The following ROR2 variants were observed in gnomAD, a reference collection of about 807,000 sequenced individuals.
ROR2 encodes ROR family WNT receptor 2, also known as tyrosine-protein kinase transmembrane receptor ROR2.
In ROR2, 33 loss-of-function variants were observed where a neutral mutation model predicts 74.9. That is an observed-to-expected ratio of 0.44 (90% CI 0.33 to 0.59). ROR2 has a LOEUF of 0.59. ROR2 is among the 20% of genes least tolerant of loss of function. The probability of loss-of-function intolerance (pLI) is 0.02; values close to 1 mark genes in which losing one functional copy is unlikely to be tolerated. For synonymous variants in ROR2, 586 were observed against 558.7 expected (o/e 1.05, Z -0.69); for missense variants, 1,216 against 1,313.8 (o/e 0.93, Z 1.15).
At chr9:91,801,707 C>T (rs1212946305) in intron 1 of ROR2, among the ~76,000 whole-genome samples, 1 of 152,232 alleles carries the variant, frequency 6.6e-6, no homozygotes, top group African/African-American at 2.4e-5. Context: ...CCTCCCTACA[C>T]TAGAAACTGC....
chr9:91,777,710 G>A (rs1333807573), intron 1 of ROR2, among the ~76,000 whole-genome samples: 1 of 152,024 alleles, frequency 6.6e-6, no homozygotes, highest in Non-Finnish European at 1.5e-5. Context: ...ACTCTATCCT[G>A]TCTCCTTCAG....
chr9:91,876,203 T>A (rs1309038990), intron 1 of ROR2, among the ~76,000 whole-genome samples: 2 of 152,000 alleles, frequency 1.3e-5, no homozygotes, highest in African/African-American at 4.8e-5. Context: ...TAAAACCCCA[T>A]CTCTACTAAA....
chr9:91,847,184 G>A (rs1050544493), intron 1 of ROR2, among the ~76,000 whole-genome samples: 2 of 152,130 alleles, frequency 1.3e-5, no homozygotes, highest in African/African-American at 4.8e-5. Flanking sequence ...TGAAATGAGA[G>A]CTTTAAGGCA....
At chr9:91,879,530 T>TC (rs1317218738) in intron 1 of ROR2, among the ~76,000 whole-genome samples, 7 of 151,824 alleles carry the variant, frequency 4.6e-5, no homozygotes, top group Admixed American at 3.9e-4. Context: ...GCCACCCATG[T>TC]CCCCCACTGC....
intron 1 of ROR2, among the ~76,000 whole-genome samples, chr9:91,778,383 C>A (rs1209117403): frequency 6.6e-6 from 1 of 152,312 alleles, no homozygotes; most frequent in Admixed American, 6.5e-5. Context: ...CACGGTCGTG[C>A]GCCCTGCAAC....
In ROR2 at chr9:91,803,347, A is replaced by C. The variant is rs567394297; in HGVS notation, c.98-27529T>G. Among the ~76,000 whole-genome samples, 3 of 152,350 alleles carry C rather than the reference A, an allele frequency of 2.0e-5. No individual in the cohort carries two copies. In the South Asian group the frequency reaches 6.2e-4, roughly 32 times the overall value. ...TGAATCACTTCTGTGAAATATCCAG[A>C]GCAATCAAATCCACAGAAACAGAAA... On this transcript the variant is annotated intron_variant, in intron 1 of 8. Transcript: ENST00000375708.
intron 1 of ROR2, among the ~76,000 whole-genome samples, chr9:91,802,074 T>TG (rs1454034368): frequency 7.1e-6 from 1 of 140,230 alleles, no homozygotes; most frequent in Non-Finnish European, 1.5e-5. Context: ...GGTGTTTTTT[T>TG]TTTTTTTTTT....
At chr9:91,825,247 G>A (rs950273911) in intron 1 of ROR2, among the ~76,000 whole-genome samples, 3 of 152,144 alleles carry the variant, frequency 2.0e-5, no homozygotes, top group African/African-American at 7.2e-5. Context: ...AAGCTTGCTC[G>A]AGCCACACCC....
chr9:91,934,955 G>A (rs1831644619), intron 1 of ROR2, among the ~76,000 whole-genome samples: 2 of 152,108 alleles, frequency 1.3e-5, no homozygotes, highest in African/African-American at 4.8e-5. Flanking sequence ...TTTTGCAAAT[G>A]GTGAAGGAAA....
At chr9:91,897,882 C>A in intron 1 of ROR2, among the ~76,000 whole-genome samples, 1 of 152,162 alleles carries the variant, frequency 6.6e-6, no homozygotes, top group South Asian at 2.1e-4. Context: ...ATTGCATCCA[C>A]CTGAGGATGT....
intron 1 of ROR2, among the ~76,000 whole-genome samples, chr9:91,809,330 C>T (rs1452965967): frequency 1.3e-5 from 2 of 152,208 alleles, no homozygotes; most frequent in East Asian, 1.9e-4. Context: ...GTTGAGACTC[C>T]TTTTCAGCTG....
rs1587738929 is a variant in ROR2, at chr9:91,808,580, T to C, written c.98-32762A>G. On this transcript the variant is annotated intron_variant, in intron 1 of 8. Coordinates refer to ENST00000375708, the MANE Select transcript of ROR2 (RefSeq NM_004560.4). ...TGGAGCTTGCAGTGAGCCGAGATCG[T>C]GCCACTGCACTCCAGCCTGGTGACA... is the stretch of plus-strand genomic sequence containing the variant. 2.7e-5 allele frequency among the ~76,000 whole-genome samples: 4 copies of C among 149,936 alleles called. No individual in the cohort carries two copies. The East Asian group carries it at 8.2e-4, about 31-fold the overall frequency.
intron 1 of ROR2, among the ~76,000 whole-genome samples, chr9:91,911,743 G>C (rs1361763048): frequency 6.6e-6 from 1 of 151,976 alleles, no homozygotes; most frequent in Non-Finnish European, 1.5e-5. Flanking sequence ...GTATCTTCTG[G>C]CAAGATACAT....
chr9:91,849,407 C>T (rs534317586), intron 1 of ROR2, among the ~76,000 whole-genome samples: 1 of 152,182 alleles, frequency 6.6e-6, no homozygotes, highest in South Asian at 2.1e-4. Context: ...GATGTGCTTC[C>T]AAGCTCCCCT....
chr9:91,796,155 C>CT (rs1402897315), intron 1 of ROR2, among the ~76,000 whole-genome samples: 1 of 152,134 alleles, frequency 6.6e-6, no homozygotes, highest in African/African-American at 2.4e-5. Flanking sequence ...CTAAAGAACA[C>CT]TTTTGGCCAG....
intron 2 of ROR2, among the ~76,000 whole-genome samples, chr9:91,759,575 G>A (rs1206670690): frequency 2.0e-5 from 3 of 152,110 alleles, no homozygotes; most frequent in Non-Finnish European, 1.5e-5. Flanking sequence ...CCCGTCTACT[G>A]GATCCCATGT....
chr9:91,921,775 A>G (rs1329374016), intron 1 of ROR2, among the ~76,000 whole-genome samples: 2 of 151,674 alleles, frequency 1.3e-5, no homozygotes, highest in Admixed American at 6.6e-5. Flanking sequence ...AGGCAGGAGA[A>G]TCGCTTGAAC....
intron 1 of ROR2, among the ~76,000 whole-genome samples, chr9:91,867,851 G>T (rs541716381): frequency 6.6e-6 from 1 of 152,218 alleles, no homozygotes; most frequent in Admixed American, 6.5e-5. Flanking sequence ...CTGCAAACAC[G>T]GAAGGCTGTT....
At chr9:91,940,813 G>T (rs1001787326) in intron 1 of ROR2, among the ~76,000 whole-genome samples, 1 of 151,848 alleles carries the variant, frequency 6.6e-6, no homozygotes, top group Non-Finnish European at 1.5e-5. Context: ...TTTTGGACAG[G>T]CTGGTCTTGA....
Sources: gnomAD v4.1 joint callset for allele counts (sites outside exome capture counted in the v4.1 genomes callset) on GRCh38, gnomAD v4.1.1 for gene constraint, MANE v1.5 for transcripts, NCBI Gene and HGNC (gene_info 2026-07-23, HGNC 2026-07-21) for gene names.